Variants in FER1L6 observed in about 807,000 individuals in gnomAD.
FER1L6 encodes the protein fer-1 like family member 6, also known as fer-1-like protein 6.
Under a neutral mutation model 219.2 loss-of-function variants are expected in FER1L6, and 177 were observed. That is an observed-to-expected ratio of 0.81 (90% CI 0.71 to 0.91). FER1L6 has a LOEUF of 0.91. Among genes scored for constraint, FER1L6 ranks in the 40% least tolerant of loss-of-function variants. The probability of loss-of-function intolerance (pLI) is 0.00; values close to 1 mark genes in which losing one functional copy is unlikely to be tolerated. For synonymous variants in FER1L6, 768 were observed against 824.3 expected (o/e 0.93, Z 1.17); for missense variants, 2,153 against 2,259.9 (o/e 0.95, Z 0.96).
chr8:123,932,060 C>T, intron 1 of FER1L6, among the ~76,000 whole-genome samples: 1 of 152,160 alleles, frequency 6.6e-6, no homozygotes, highest in East Asian at 1.9e-4. Flanking sequence ...TCTATTAGAG[C>T]TGCAGTTTAT....
intron 26 of FER1L6, 55 bp downstream of exon 26, chr8:124,064,628 G>T: frequency 6.6e-7 from 1 of 1,504,448 alleles, no homozygotes; most frequent in East Asian, 2.3e-5. Flanking sequence ...TTGCATTGCA[G>T]GTCTCAGACA....
intron 35 of FER1L6, among the ~76,000 whole-genome samples, 197 bp from the exon 36 acceptor site, chr8:124,097,072 GAT>G (rs565301549): frequency 1.6e-3 from 240 of 146,770 alleles, no homozygotes; most frequent in East Asian, 2.4e-3. Context: ...AATTCCTAAA[GAT>G]ATATATATAT....
chr8:123,914,199 T>A (rs1421716719), intron 1 of FER1L6, among the ~76,000 whole-genome samples: 1 of 152,104 alleles, frequency 6.6e-6, no homozygotes, highest in East Asian at 1.9e-4. Context: ...AATACTTTCA[T>A]CATGGTAGAA....
intron 1 of FER1L6, among the ~76,000 whole-genome samples, chr8:123,915,334 G>T (rs1169577642): frequency 6.6e-6 from 1 of 152,008 alleles, no homozygotes; most frequent in Non-Finnish European, 1.5e-5. Context: ...GTGGTTCAGG[G>T]GTGGCCTTGG....
intron 6 of FER1L6, among the ~76,000 whole-genome samples, chr8:123,971,843 A>G (rs572949388): frequency 8.5e-5 from 13 of 152,338 alleles, no homozygotes; most frequent in East Asian, 1.9e-4. Flanking sequence ...CAAGGCATGC[A>G]GGGCTCCCAG....
At chr8:123,949,464 C>T (rs978086677) in intron 1 of FER1L6, among the ~76,000 whole-genome samples, 10 of 152,142 alleles carry the variant, frequency 6.6e-5, no homozygotes, top group African/African-American at 2.2e-4. Context: ...TATTGGTGTT[C>T]CTGAGGTTAT....
rs780769976 is a variant in FER1L6 at position 124,045,921 on chromosome 8, A to G, written c.2724+20A>G. 1 of 1,612,270 alleles carries G rather than the reference A, an allele frequency of 6.2e-7. No individual in the cohort carries two copies. Among genetic ancestry groups the G allele is most frequent in the South Asian group, 1.1e-5 (1 of 90,972 alleles). Reference sequence around the variant, plus strand: ...GCTGTGGTGAGTGTCCCCCTGGGCCAGTGCTGACCACACCTCATAAAAAAT... The same window carrying G: ...GCTGTGGTGAGTGTCCCCCTGGGCCGGTGCTGACCACACCTCATAAAAAAT... On this transcript the variant is annotated intron_variant, in intron 21 of 40. Coordinates refer to ENST00000522917, the MANE Select transcript of FER1L6 (RefSeq NM_001039112.2).
intron 1 of FER1L6, among the ~76,000 whole-genome samples, chr8:123,946,625 A>G (rs920570174): frequency 4.6e-5 from 7 of 152,236 alleles, no homozygotes; most frequent in African/African-American, 1.4e-4. Context: ...ATTCAAACTC[A>G]TTAATATGTA....
At chr8:124,014,315 G>C (rs1339953192) in intron 15 of FER1L6, 1 of 152,670 alleles carries the variant, frequency 6.6e-6, no homozygotes. Context: ...AGCTGCACAG[G>C]AACACAGGTT....
chr8:123,899,091 A>G (rs1433537200), intron 1 of FER1L6, among the ~76,000 whole-genome samples: 2 of 152,044 alleles, frequency 1.3e-5, no homozygotes, highest in Non-Finnish European at 1.5e-5. Flanking sequence ...ACTGTTTTCC[A>G]TTGTGGCTGT....
At chr8:124,020,357 T>C (rs1386990653) in intron 16 of FER1L6, among the ~76,000 whole-genome samples, 1 of 152,032 alleles carries the variant, frequency 6.6e-6, no homozygotes, top group African/African-American at 2.4e-5. Flanking sequence ...TGGACAAAGT[T>C]TGTCAAGTTC....
chr8:123,890,625 A>AGTTTTTTT (rs1812626871), intron 1 of FER1L6, among the ~76,000 whole-genome samples: 1 of 91,424 alleles, frequency 1.1e-5, no homozygotes, highest in South Asian at 4.3e-4. Flanking sequence ...TAAAAATTTG[A>AGTTTTTTT]TTTTTTTTTT....
chr8:124,017,545 A>G, intron 15 of FER1L6, 83 bp from the exon 16 acceptor site: 1 of 1,081,068 alleles, frequency 9.3e-7, no homozygotes, highest in Non-Finnish European at 1.4e-6. Flanking sequence ...ACTGTATTGC[A>G]GAAACAATAT....
intron 37 of FER1L6, 77 bp from the exon 38 acceptor site, chr8:124,101,020 A>C (rs1822526920): frequency 7.3e-7 from 1 of 1,363,774 alleles, no homozygotes; most frequent in African/African-American, 1.4e-5. Context: ...CATTGAAATA[A>C]GCTAAATCAC....
intron 37 of FER1L6, among the ~76,000 whole-genome samples, chr8:124,098,636 G>C (rs1466421571): frequency 6.6e-6 from 1 of 152,100 alleles, no homozygotes; most frequent in Non-Finnish European, 1.5e-5. Context: ...AAATGAATAA[G>C]ATTTTAACAA....
intron 1 of FER1L6, among the ~76,000 whole-genome samples, chr8:123,894,735 T>A (rs1563676231): frequency 6.6e-6 from 1 of 152,062 alleles, no homozygotes; most frequent in Non-Finnish European, 1.5e-5. Flanking sequence ...AAGTACAAGA[T>A]GACCCCTAAA....
intron 25 of FER1L6, 135 bp downstream of exon 25, chr8:124,062,167 C>T: frequency 2.4e-6 from 2 of 845,548 alleles, no homozygotes; most frequent in East Asian, 2.6e-5. Context: ...GAGCTTGCTC[C>T]TGCAGGGGCC....
chr8:123,940,726 C>T (rs2129989529), intron 1 of FER1L6, among the ~76,000 whole-genome samples: 1 of 152,246 alleles, frequency 6.6e-6, no homozygotes, highest in East Asian at 1.9e-4. Context: ...AAAGAAAATT[C>T]CCAAACTTTA....
At chr8:124,114,440 T>C (rs760693732) in intron 39 of FER1L6, among the ~76,000 whole-genome samples, 1 of 152,070 alleles carries the variant, frequency 6.6e-6, no homozygotes, top group Non-Finnish European at 1.5e-5. Flanking sequence ...CAAAGAAGAC[T>C]CCTAGCACGT....
Sources: allele counts gnomAD v4.1 joint callset (sites outside exome capture counted in the v4.1 genomes callset), GRCh38; gene constraint gnomAD v4.1.1; transcripts MANE v1.5; gene names NCBI Gene and HGNC (gene_info 2026-07-23, HGNC 2026-07-21).